NELL1: variants seen among roughly 807,000 people sequenced by gnomAD.
The protein encoded by NELL1 is neural EGFL like 1, also known as protein kinase C-binding protein NELL1.
A neutral mutation model predicts 107.4 loss-of-function variants in NELL1; 76 were observed. The observed-to-expected ratio is 0.71, with a 90% CI of 0.59 to 0.86. NELL1 has a LOEUF of 0.86. NELL1 is among the 40% of genes least tolerant of loss of function. NELL1 has a pLI of 0.00. For synonymous variants in NELL1, 353 were observed against 341.2 expected (o/e 1.03, Z -0.38); for missense variants, 1,024 against 1,005.5 (o/e 1.02, Z -0.25).
chr11:21,164,841 G>A (rs1856446729), intron 13 of NELL1, among the ~76,000 whole-genome samples: 1 of 152,140 alleles, frequency 6.6e-6, no homozygotes, highest in Non-Finnish European at 1.5e-5. Flanking sequence ...GTAATTAAAT[G>A]TAAATACCTA....
Position 21,058,575 on chromosome 11 carries a change from C to G in NELL1, c.1301-55014C>G, listed in dbSNP as rs1335864546. Among the ~76,000 whole-genome samples the G allele has an allele frequency of 3.9e-5, 6 of 152,174 alleles. No individual in the cohort carries two copies. In the South Asian group the frequency reaches 6.2e-4, roughly 16 times the overall value. On this transcript the variant is annotated intron_variant, in intron 12 of 19. Coordinates refer to ENST00000357134, the MANE Select transcript of NELL1 (RefSeq NM_006157.5). The stretch of plus-strand genomic sequence containing the variant: ...GAGTGACACTTAAGCCCCTGATTGG[C>G]AAAACTCTAATGGTGATGATATTTG...
At chr11:21,358,276 G>A (rs1009967082) in intron 14 of NELL1, among the ~76,000 whole-genome samples, 3 of 152,190 alleles carry the variant, frequency 2.0e-5, no homozygotes, top group Non-Finnish European at 2.9e-5. Flanking sequence ...TCATCCATGA[G>A]CATAGGATGT....
intron 2 of NELL1, among the ~76,000 whole-genome samples, chr11:20,777,939 T>A (rs1856781044): frequency 6.6e-6 from 1 of 152,224 alleles, no homozygotes; most frequent in Non-Finnish European, 1.5e-5. Flanking sequence ...GTGGTACCCC[T>A]TGGCCAATCA....
At chr11:21,296,822 A>C (rs1028117410) in intron 14 of NELL1, among the ~76,000 whole-genome samples, 6 of 151,758 alleles carry the variant, frequency 4.0e-5, no homozygotes, top group Admixed American at 3.9e-4. Flanking sequence ...AAATTAAATA[A>C]AATTATTTAA....
intron 16 of NELL1, among the ~76,000 whole-genome samples, chr11:21,537,444 T>G (rs1010881643): frequency 6.6e-6 from 1 of 152,190 alleles, no homozygotes. Flanking sequence ...CTGTTCTCTC[T>G]GTCTGGAGCT....
chr11:20,684,440 T>C (rs996219940), intron 2 of NELL1, among the ~76,000 whole-genome samples: 1 of 152,122 alleles, frequency 6.6e-6, no homozygotes, highest in Non-Finnish European at 1.5e-5. Context: ...GCTTTAACTC[T>C]GTAAGTTCAG....
chr11:21,451,479 G>A (rs1363950446), intron 15 of NELL1, among the ~76,000 whole-genome samples: 1 of 152,070 alleles, frequency 6.6e-6, no homozygotes, highest in African/African-American at 2.4e-5. Flanking sequence ...AATATATGGA[G>A]TATTATAAAA....
Position 20,755,559 on chromosome 11 carries a change from T to TTTTTTTTTTTTTTATTTA in NELL1, c.185-28119_185-28118insTTTTTTTTTTTATTTATT, listed in dbSNP as rs1337491294. ...GTTTTTGTTTTTTTTTGTTTTTGTT[T>TTTTTTTTTTTTTTATTTA]TTGTTTTTTTTTTTTTGAGACAGAA... On this transcript the variant is annotated intron_variant, in intron 2 of 19. Transcript: ENST00000357134. 4.0e-4 allele frequency among the ~76,000 whole-genome samples: 7 copies of TTTTTTTTTTTTTTATTTA among 17,686 alleles called. No individual in the cohort carries two copies. In the East Asian group the frequency reaches 4.7e-3, roughly 12 times the overall value. The allele number at this position is 17,686 out of a possible 152,430, so 11.6% of individuals were successfully genotyped here. A position where few individuals can be genotyped will look rare whatever the true frequency, so the allele number is the denominator to read the frequency against.
At chr11:21,249,264 A>G (rs1363304003) in intron 14 of NELL1, among the ~76,000 whole-genome samples, 1 of 152,214 alleles carries the variant, frequency 6.6e-6, no homozygotes, top group Non-Finnish European at 1.5e-5. Flanking sequence ...GGTTCTTATT[A>G]TTAAGCCAAA....
intron 13 of NELL1, among the ~76,000 whole-genome samples, chr11:21,142,774 T>TA: frequency 6.6e-6 from 1 of 152,270 alleles, no homozygotes; most frequent in Non-Finnish European, 1.5e-5. Context: ...GCCTCCGTCT[T>TA]CTCATCTGCA....
intron 12 of NELL1, among the ~76,000 whole-genome samples, chr11:21,065,373 A>C (rs937736469): frequency 6.6e-6 from 1 of 152,098 alleles, no homozygotes; most frequent in Non-Finnish European, 1.5e-5. Flanking sequence ...ACTTATCTTG[A>C]ACTTGCTAGA....
At chr11:20,791,485 T>C (rs1857071964) in intron 3 of NELL1, among the ~76,000 whole-genome samples, 1 of 152,208 alleles carries the variant, frequency 6.6e-6, no homozygotes, top group Non-Finnish European at 1.5e-5. Context: ...TTCCTTAGAA[T>C]TTTTCCATAT....
At chr11:21,373,145 A>G (rs1851394922) in intron 15 of NELL1, among the ~76,000 whole-genome samples, 1 of 152,112 alleles carries the variant, frequency 6.6e-6, no homozygotes, top group South Asian at 2.1e-4. Context: ...TAGCAAAGTC[A>G]TTCCACTTAA....
At chr11:20,729,082 C>T (rs1855571045) in intron 2 of NELL1, among the ~76,000 whole-genome samples, 1 of 152,026 alleles carries the variant, frequency 6.6e-6, no homozygotes, top group Non-Finnish European at 1.5e-5. Context: ...AGTGGGATTA[C>T]ATTCTTGAAT....
Position 20,755,559 on chromosome 11 carries a change from T to TATTTTTTTTATTTTTTTA in NELL1, c.185-28121_185-28120insATTTTTTTTATTTTTTTA, listed in dbSNP as rs1554914196. 3.6e-3 allele frequency among the ~76,000 whole-genome samples: 64 copies of TATTTTTTTTATTTTTTTA among 17,686 alleles called. 1 individual carries two copies. The highest frequency in any genetic ancestry group is 6.2e-3 in the African/African-American group (59 of 9,538). 11.6% of individuals were successfully genotyped at this position (17,686 alleles called of 152,430 possible). On this transcript the variant is annotated intron_variant, in intron 2 of 19. Coordinates refer to ENST00000357134, the MANE Select transcript of NELL1 (RefSeq NM_006157.5). Reference sequence around the variant, plus strand: ...GTTTTTGTTTTTTTTTGTTTTTGTTTTTGTTTTTTTTTTTTTGAGACAGAA... The same window carrying TATTTTTTTTATTTTTTTA: ...GTTTTTGTTTTTTTTTGTTTTTGTTTATTTTTTTTATTTTTTTATTGTTTTTTTTTTTTTGAGACAGAA...
chr11:21,068,673 C>T (rs761739767), intron 12 of NELL1, among the ~76,000 whole-genome samples: 17 of 152,252 alleles, frequency 1.1e-4, no homozygotes, highest in South Asian at 2.1e-4. Flanking sequence ...AGCAAAAAGG[C>T]CAGTCCACCG....
At chr11:20,990,445 A>G (rs2134257024) in intron 12 of NELL1, among the ~76,000 whole-genome samples, 1 of 152,294 alleles carries the variant, frequency 6.6e-6, no homozygotes, top group Non-Finnish European at 1.5e-5. Flanking sequence ...CATTCTTGAC[A>G]TGGCAGTACC....
intron 12 of NELL1, among the ~76,000 whole-genome samples, chr11:21,035,750 A>G (rs1449532634): frequency 1.3e-5 from 2 of 152,196 alleles, no homozygotes; most frequent in Non-Finnish European, 2.9e-5. Flanking sequence ...GATAGGAGCC[A>G]TCTATGACAA....
rs543170595 is a variant in NELL1 at position 20,834,378 on chromosome 11, C to T, written c.336-13205C>T. 1.1e-4 allele frequency among the ~76,000 whole-genome samples: 17 copies of T among 152,076 alleles called. No individual in the cohort carries two copies. In the South Asian group the frequency reaches 1.2e-3, roughly 11 times the overall value. ...GGAAAGAATTAGGAGTTATGTGTTG[C>T]GAGTATTGAGTTTGGGGTATTCCGG... On this transcript the variant is annotated intron_variant, in intron 3 of 19. Coordinates refer to ENST00000357134, the MANE Select transcript of NELL1 (RefSeq NM_006157.5).
Sources: gnomAD v4.1 joint callset for allele counts (sites outside exome capture counted in the v4.1 genomes callset) on GRCh38, gnomAD v4.1.1 for gene constraint, MANE v1.5 for transcripts, NCBI Gene and HGNC (gene_info 2026-07-23, HGNC 2026-07-21) for gene names.